The following OPTC variants were observed in gnomAD, a reference collection of about 807,000 sequenced individuals.
OPTC encodes the protein oculoglycan.
A neutral mutation model predicts 25.4 loss-of-function variants in OPTC; 22 were observed. The ratio of observed to expected loss-of-function variants is 0.87; its 90% CI spans 0.62 to 1.24. The LOEUF (loss-of-function observed/expected upper bound fraction) is 1.24, where lower values mean the gene tolerates loss of function less well. Ranked by LOEUF, OPTC falls within the 50% of genes most tolerant of loss-of-function variation. OPTC has a pLI of 0.00. For missense variants in OPTC, 417 were observed against 425.2 expected (o/e 0.98, Z 0.17); for synonymous variants, 169 against 179.3 (o/e 0.94, Z 0.46).
At position 203,508,757 on chromosome 1, in the gene OPTC, C is replaced by A. The variant is rs575933766; in HGVS notation, c.*137C>A. The A allele has an allele frequency of 1.3e-5, 2 of 152,336 alleles. No homozygotes were observed. Among genetic ancestry groups the A allele is most frequent in the Admixed American group, 1.3e-4 (2 of 15,296 alleles). The allele number at this position is 152,336 out of a possible 1,614,324, so 9.4% of individuals were successfully genotyped here. A position where few individuals can be genotyped will look rare whatever the true frequency, so the allele number is the denominator to read the frequency against. ...AAGGTCTCCATGCAGGGGGAGGAGG[C>A]CTGCTTCTTTCCCCACAGCTCTCAC... On this transcript the variant is annotated 3_prime_UTR_variant, in exon 8 of 8. Transcript: ENST00000367222.
chr1:203,503,930 AT>A (rs1435401528), intron 7 of OPTC, among the ~76,000 whole-genome samples, 185 bp downstream of exon 7: 3 of 152,174 alleles, frequency 2.0e-5, no homozygotes, highest in Non-Finnish European at 4.4e-5. Flanking sequence ...CAGTAGCCAA[AT>A]TTGCATTTCT....
chr1:203,499,641 T>G lies in OPTC; in HGVS notation c.530-8T>G. ...TTTCTCTCTTTGTTCTCCCCTAACC[T>G]CTCTCAGCAAAGTTGAAGAGGATTG... On this transcript the variant is annotated splice_region_variant and splice_polypyrimidine_tract_variant and intron_variant, in intron 4 of 7. Coordinates refer to ENST00000367222, the MANE Select transcript of OPTC (RefSeq NM_014359.4). 1 of 1,612,304 alleles carries G rather than the reference T, an allele frequency of 6.2e-7. No homozygotes were observed. The highest frequency in any genetic ancestry group is 8.5e-7 in the Non-Finnish European group (1 of 1,178,846).
intron 3 of OPTC, 92 bp from the exon 4 acceptor site, chr1:203,498,589 G>A (rs1571596879): frequency 2.1e-5 from 32 of 1,511,660 alleles, no homozygotes; most frequent in Non-Finnish European, 2.8e-5. Flanking sequence ...AAAAGGCACA[G>A]ATGGCCATGG....
At chr1:203,495,530 A>C (rs1661263189) in intron 1 of OPTC, among the ~76,000 whole-genome samples, 1 of 152,166 alleles carries the variant, frequency 6.6e-6, no homozygotes. Flanking sequence ...AAAACAAACA[A>C]ACAAAAAGAC....
intron 7 of OPTC, among the ~76,000 whole-genome samples, chr1:203,506,973 C>G (rs1661501867): frequency 6.6e-6 from 1 of 152,262 alleles, no homozygotes; most frequent in South Asian, 2.1e-4. Context: ...GCAGCTGTCT[C>G]TTGGCTAATC....
Position 203,499,712 on chromosome 1 carries a change from G to C in OPTC, c.593G>C (p.Arg198Pro). The C allele has an allele frequency of 6.2e-7, 1 of 1,613,386 alleles. No individual in the cohort carries two copies. Among genetic ancestry groups the C allele is most frequent in the Non-Finnish European group, 8.5e-7 (1 of 1,179,926 alleles). The change falls in exon 5 of 8, where the codon CGC becomes CCC. Residue 198 changes from arginine (R) to proline (P), a missense_variant. Coordinates refer to ENST00000367222, the MANE Select transcript of OPTC (RefSeq NM_014359.4). ...TCCTCCATCGATAATGATGCCTTCC[G>C]CCTGCTACATGCCCTCCAGGACCTC... ...LISSIDNDAF[R>P]LLHALQDLIL...
At chr1:203,501,922 G>A (rs1009845133) in intron 5 of OPTC, among the ~76,000 whole-genome samples, 10 of 152,100 alleles carry the variant, frequency 6.6e-5, no homozygotes, top group East Asian at 1.9e-4. Flanking sequence ...ATTAGGAGGC[G>A]CTGCTTTGCC....
intron 5 of OPTC, 103 bp from the exon 6 acceptor site, chr1:203,502,811 T>C: frequency 1.1e-6 from 1 of 894,420 alleles, no homozygotes; most frequent in Non-Finnish European, 1.8e-6. Flanking sequence ...AAGTGAGCCC[T>C]GAGTGAACAA....
rs2102224020 is a variant in OPTC at position 203,502,942 on chromosome 1, T to C, written c.761T>C (p.Leu254Pro). ...RAMEKLQFLY[L>P]SDNLLDSIPG... Reference sequence around the variant, plus strand: ...ATGGAGAAGCTGCAGTTCCTTTACCTGTCAGACAACCTGCTGGATTCTATC... The same window carrying C: ...ATGGAGAAGCTGCAGTTCCTTTACCCGTCAGACAACCTGCTGGATTCTATC... The change falls in exon 6 of 8, where the codon CTG (leucine) becomes CCG (proline). Residue 254 changes from leucine (L) to proline (P), a missense_variant. Coordinates refer to ENST00000367222, the MANE Select transcript of OPTC (RefSeq NM_014359.4). 2.5e-6 allele frequency: 4 copies of C among 1,613,992 alleles called. No individual in the cohort carries two copies. The highest frequency in any genetic ancestry group is 3.4e-6 in the Non-Finnish European group (4 of 1,180,024).
rs1280217824 is a variant in OPTC at position 203,498,833 on chromosome 1, G to A, written c.523G>A (p.Gly175Arg). ...ISRIRAEDFKGLTKLKRIDLS... is the reference protein window; with the variant it reads ...ISRIRAEDFKRLTKLKRIDLS... ...CCGTATCAGGGCCGAAGACTTCAAA[G>A]GGCTGAGTATGTAATGCCCTGGGAA... Residue 175 changes from glycine to arginine, a missense_variant, in exon 4 of 8, where the codon GGG becomes AGG. Transcript: ENST00000367222. The A allele has an allele frequency of 1.9e-6, 3 of 1,613,772 alleles. No individual in the cohort carries two copies. In the Admixed American group the frequency reaches 5.0e-5, roughly 27 times the overall value.
At chr1:203,505,297 T>C (rs1363520238) in intron 7 of OPTC, among the ~76,000 whole-genome samples, 1 of 152,190 alleles carries the variant, frequency 6.6e-6, no homozygotes, top group East Asian at 1.9e-4. Context: ...ATAAAAGTGC[T>C]GTAAAGGGTA....
At chr1:203,500,269 A>C (rs1038770422) in intron 5 of OPTC, among the ~76,000 whole-genome samples, 1 of 10,120 alleles carries the variant, frequency 9.9e-5, no homozygotes, top group African/African-American at 4.6e-4. Context: ...ACACACCACC[A>C]CCCACCTCCA....
chr1:203,507,491 CA>C (rs1458024767), intron 7 of OPTC, among the ~76,000 whole-genome samples: 3 of 152,252 alleles, frequency 2.0e-5, no homozygotes, highest in Non-Finnish European at 4.4e-5. Flanking sequence ...GGCCCAGCAG[CA>C]ACTCATATTT....
intron 7 of OPTC, among the ~76,000 whole-genome samples, chr1:203,505,953 T>A (rs894465504): frequency 7.1e-6 from 1 of 140,220 alleles, no homozygotes; most frequent in African/African-American, 2.7e-5. Context: ...TCTCTCAGAG[T>A]GTGTGTGTGT....
At chr1:203,495,399 C>T (rs1661260985) in intron 1 of OPTC, among the ~76,000 whole-genome samples, 1 of 152,114 alleles carries the variant, frequency 6.6e-6, no homozygotes, top group Non-Finnish European at 1.5e-5. Flanking sequence ...GCCTGTAATC[C>T]CAGCTACTCA....
chr1:203,507,194 A>C (rs1558241547), intron 7 of OPTC, among the ~76,000 whole-genome samples: 2 of 152,154 alleles, frequency 1.3e-5, no homozygotes, highest in African/African-American at 2.4e-5. Flanking sequence ...TCAGGTACCT[A>C]AAGGGGTTAG....
At chr1:203,499,910 C>G (rs1279283256) in intron 5 of OPTC, 59 bp downstream of exon 5, 1 of 1,352,196 alleles carries the variant, frequency 7.4e-7, no homozygotes, top group African/African-American at 1.4e-5. Flanking sequence ...CTACCACCAC[C>G]CACCTCCACC....
chr1:203,505,804 C>T (rs924701088), intron 7 of OPTC, among the ~76,000 whole-genome samples: 2 of 152,120 alleles, frequency 1.3e-5, no homozygotes, highest in Non-Finnish European at 2.9e-5. Context: ...CAGGGAAGGA[C>T]GGGGAAGGCA....
At chr1:203,499,152 C>A (rs1434444780) in intron 4 of OPTC, among the ~76,000 whole-genome samples, 7 of 152,162 alleles carry the variant, frequency 4.6e-5, no homozygotes, top group Non-Finnish European at 5.9e-5. Context: ...GGCCTCTGGG[C>A]AGGACAGTCT....
Sources: allele counts gnomAD v4.1 joint callset (sites outside exome capture counted in the v4.1 genomes callset), GRCh38; gene constraint gnomAD v4.1.1; transcripts MANE v1.5; gene names NCBI Gene and HGNC (gene_info 2026-07-23, HGNC 2026-07-21).